Variants in PITPNM2 observed in about 807,000 individuals in gnomAD.
The protein encoded by PITPNM2 is membrane-associated phosphatidylinositol transfer protein 2.
PITPNM2 carries 35 observed loss-of-function variants against 132.2 expected under a neutral mutation model. That is an observed-to-expected ratio of 0.26 (90% CI 0.20 to 0.35). PITPNM2 has a LOEUF of 0.35. Ranked by LOEUF, PITPNM2 falls within the 10% of genes least tolerant of loss-of-function variation. The probability of loss-of-function intolerance (pLI) is 1.00; values close to 1 mark genes in which losing one functional copy is unlikely to be tolerated. For missense variants in PITPNM2, 1,332 were observed against 1,912.0 expected (o/e 0.70, Z 5.66); for synonymous variants, 738 against 799.2 (o/e 0.92, Z 1.29).
chr12:123,013,078 T>A (rs193276120), intron 4 of PITPNM2, among the ~76,000 whole-genome samples: 13 of 152,316 alleles, frequency 8.5e-5, no homozygotes, highest in African/African-American at 3.1e-4. Flanking sequence ...CCATGGGGCA[T>A]GCCACCTCTA....
chr12:123,027,970 C>T (rs1353480421), intron 3 of PITPNM2, among the ~76,000 whole-genome samples: 3 of 152,368 alleles, frequency 2.0e-5, no homozygotes, highest in East Asian at 1.9e-4. Context: ...GAGCAGCCAC[C>T]CCCTCGTCCC....
intron 19 of PITPNM2, among the ~76,000 whole-genome samples, 186 bp from the exon 20 acceptor site, chr12:122,988,536 A>G (rs891709462): frequency 3.9e-5 from 6 of 152,120 alleles, no homozygotes; most frequent in African/African-American, 1.4e-4. Context: ...ATGTGCAGAT[A>G]TGTTCCCTCC....
chr12:123,149,226 A>T (rs750015113), intron 1 of PITPNM2, among the ~76,000 whole-genome samples: 1 of 152,180 alleles, frequency 6.6e-6, no homozygotes, highest in Non-Finnish European at 1.5e-5. Context: ...CCCACGCCTG[A>T]GCAGCTGGGG....
intron 3 of PITPNM2, among the ~76,000 whole-genome samples, chr12:123,016,918 T>C (rs2136286077): frequency 6.6e-6 from 1 of 151,564 alleles, no homozygotes; most frequent in East Asian, 1.9e-4. Flanking sequence ...TGGTGGTGTG[T>C]GCCTGTAGTC....
At chr12:123,013,462 C>G (rs1210044482) in intron 4 of PITPNM2, among the ~76,000 whole-genome samples, 1 of 152,238 alleles carries the variant, frequency 6.6e-6, no homozygotes, top group Non-Finnish European at 1.5e-5. Flanking sequence ...GTCATCTGTT[C>G]TACCCTCAGT....
In PITPNM2 at chr12:122,988,845, C is replaced by T. The variant is rs1450492351; in HGVS notation, c.2759G>A (p.Arg920Gln). 5 of 1,574,038 alleles carry T rather than the reference C, an allele frequency of 3.2e-6. No individual in the cohort carries two copies. The highest frequency in any genetic ancestry group is 1.3e-5 in the African/African-American group (1 of 74,210). ...AGGGCAGTACAGGGCGTAGTCGATC[C>T]GCTTCTGGCCCCACCACTTTGCAGC... is the stretch of plus-strand genomic sequence containing the variant. ...EVAAKWWGQK[R>Q]IDYALYCPDA... The change falls in exon 19 of 26, where the codon CGG becomes CAG. Residue 920 changes from arginine (R) to glutamine (Q), a missense_variant. Physicochemically the swap from Arg to Gln is conservative, Grantham distance 43. Transcript: ENST00000320201.
In PITPNM2 at chr12:123,004,942, G is replaced by C. The variant is rs144470805; in HGVS notation, c.952+298C>G. On this transcript the variant is annotated intron_variant, in intron 7 of 25. Coordinates refer to ENST00000320201, the MANE Select transcript of PITPNM2 (RefSeq NM_020845.3). The surrounding 1 kb of genome is among the most constrained non-coding windows in gnomAD (Gnocchi z 4.9). ...AATCTCAGGGTCTGAAGTCTCCTAG[G>C]GTCCCCATCAGGAGGGGTGGCCCCT... is the stretch of plus-strand genomic sequence containing the variant. Among the ~76,000 whole-genome samples, 902 of 152,270 alleles carry C rather than the reference G, an allele frequency of 5.9e-3. 7 individuals carry two copies. Among genetic ancestry groups the C allele is most frequent in the Non-Finnish European group, 9.7e-3 (658 of 68,004 alleles).
chr12:122,996,321 G>T, intron 13 of PITPNM2, 137 bp downstream of exon 13: 1 of 1,225,650 alleles, frequency 8.2e-7, no homozygotes, highest in Non-Finnish European at 1.1e-6. Context: ...CAAGCCAGAT[G>T]GACTCAGGAA....
intron 1 of PITPNM2, among the ~76,000 whole-genome samples, chr12:123,120,594 T>A (rs2043015154): frequency 6.6e-6 from 1 of 152,158 alleles, no homozygotes; most frequent in African/African-American, 2.4e-5. Flanking sequence ...CACATCCACA[T>A]CCTCTAAAGG....
At chr12:123,057,418 C>CA (rs2041072569) in intron 2 of PITPNM2, among the ~76,000 whole-genome samples, 2 of 147,742 alleles carry the variant, frequency 1.4e-5, no homozygotes, top group South Asian at 4.4e-4. Flanking sequence ...CAAAAACAAA[C>CA]AAAAAGAACT....
intron 2 of PITPNM2, among the ~76,000 whole-genome samples, chr12:123,067,659 G>A (rs1167682756): frequency 1.3e-5 from 2 of 152,190 alleles, no homozygotes; most frequent in African/African-American, 4.8e-5. Context: ...CAGAGGGAGT[G>A]TGGTCCTGCT....
intron 2 of PITPNM2, among the ~76,000 whole-genome samples, chr12:123,085,313 G>A (rs1423603518): frequency 6.6e-6 from 1 of 151,986 alleles, no homozygotes; most frequent in African/African-American, 2.4e-5. Context: ...CCTGGTATAG[G>A]GTCAGCACAC....
intron 1 of PITPNM2, among the ~76,000 whole-genome samples, chr12:123,145,143 T>C (rs547872597): frequency 6.6e-6 from 1 of 152,160 alleles, no homozygotes; most frequent in South Asian, 2.1e-4. Context: ...ACCACTGCAC[T>C]CCAGCCTGGG....
At position 123,114,155 on chromosome 12, in the gene PITPNM2, C is replaced by T. The variant is rs188708811; in HGVS notation, c.-199-3667G>A. ...TGTGAATAAATGCTACTGTGAACAT[C>T]GCTGTACAAATTTTTGTGTGAACAT... On this transcript the variant is annotated intron_variant, in intron 1 of 25. Transcript: ENST00000320201. Among the ~76,000 whole-genome samples, 6 of 152,202 alleles carry T rather than the reference C, an allele frequency of 3.9e-5. No homozygotes were observed. In the East Asian group the frequency reaches 5.8e-4, roughly 15 times the overall value.
chr12:123,108,781 A>T lies in PITPNM2; in HGVS notation c.-96+1604T>A, dbSNP rs1035164599. Among the ~76,000 whole-genome samples the T allele has an allele frequency of 1.3e-5, 2 of 152,212 alleles. No homozygotes were observed. The highest frequency in any genetic ancestry group is 6.5e-5 in the Admixed American group (1 of 15,280). ...CCTGGAACTACGGAGCCACAGAGGC[A>T]ACTTAAGAGGCCCCATCACAACGTG... On this transcript the variant is annotated intron_variant, in intron 2 of 25. Coordinates refer to ENST00000320201, the MANE Select transcript of PITPNM2 (RefSeq NM_020845.3). The surrounding 1 kb of genome is among the most constrained non-coding windows in gnomAD (Gnocchi z 4.4).
At chr12:123,073,199 C>A (rs913962062) in intron 2 of PITPNM2, among the ~76,000 whole-genome samples, 6 of 152,332 alleles carry the variant, frequency 3.9e-5, no homozygotes, top group South Asian at 4.1e-4. Flanking sequence ...AATGGATGAG[C>A]CTTTTTTCTT....
chr12:122,992,295 T>G lies in PITPNM2; in HGVS notation c.2404+204A>C, dbSNP rs1594123247. ...TGTGTCCTCTGAAAGGTGGGAACTA[T>G]CATTTGTGCCTCACAGGGATCAGTG... On this transcript the variant is annotated intron_variant, in intron 16 of 25. Transcript: ENST00000320201. The surrounding 1 kb of genome is among the most constrained non-coding windows in gnomAD (Gnocchi z 6.5). Among the ~76,000 whole-genome samples the G allele has an allele frequency of 6.6e-6, 1 of 151,922 alleles. No homozygotes were observed. The highest frequency in any genetic ancestry group is 6.5e-5 in the Admixed American group (1 of 15,268).
Position 122,993,815 on chromosome 12 carries a change from A to C in PITPNM2, c.2233+986T>G, listed in dbSNP as rs978734326. On this transcript the variant is annotated intron_variant, in intron 15 of 25. Coordinates refer to ENST00000320201, the MANE Select transcript of PITPNM2 (RefSeq NM_020845.3). The surrounding 1 kb of genome is among the most constrained non-coding windows in gnomAD (Gnocchi z 5.2). ...CCATTTCTCTTCCTGGCAGTGCTGA[A>C]GTCGCCAGTTTATGGAAGGGGAAGG... 2.6e-5 allele frequency among the ~76,000 whole-genome samples: 4 copies of C among 152,024 alleles called. No homozygotes were observed. The highest frequency in any genetic ancestry group is 2.6e-4 in the Admixed American group (4 of 15,274).
In PITPNM2 at chr12:123,009,097, T is replaced by C. The variant is rs750986752; in HGVS notation, c.643+753A>G. Among the ~76,000 whole-genome samples, 9 of 152,254 alleles carry C rather than the reference T, an allele frequency of 5.9e-5. No individual in the cohort carries two copies. Among genetic ancestry groups the C allele is most frequent in the Non-Finnish European group, 7.3e-5 (5 of 68,048 alleles). On this transcript the variant is annotated intron_variant, in intron 6 of 25. Coordinates refer to ENST00000320201, the MANE Select transcript of PITPNM2 (RefSeq NM_020845.3). The surrounding 1 kb of genome is among the most constrained non-coding windows in gnomAD (Gnocchi z 4.8). The stretch of plus-strand genomic sequence containing the variant: ...AAGCTTACGTGACAAGCGTGATATG[T>C]ACTGTCAACAGTGTGGCTCTGTTCA...
Sources: allele counts gnomAD v4.1 joint callset (sites outside exome capture counted in the v4.1 genomes callset), GRCh38; gene constraint gnomAD v4.1.1; non-coding constraint Gnocchi (gnomAD v3.1); transcripts MANE v1.5; gene names NCBI Gene and HGNC (gene_info 2026-07-23, HGNC 2026-07-21).